CACNA1C: variants seen among roughly 807,000 people sequenced by gnomAD.
The protein encoded by CACNA1C is voltage-dependent L-type calcium channel subunit alpha-1C.
In CACNA1C, 30 loss-of-function variants were observed where a neutral mutation model predicts 229.0. The ratio of observed to expected loss-of-function variants is 0.13; its 90% confidence interval spans 0.10 to 0.18. CACNA1C has a LOEUF of 0.18. CACNA1C is among the 10% of genes least tolerant of loss of function. The probability of loss-of-function intolerance (pLI) is 1.00; values close to 1 mark genes in which losing one functional copy is unlikely to be tolerated. For missense variants in CACNA1C, 1,658 were observed against 2,845.0 expected (o/e 0.58, Z 9.49); for synonymous variants, 1,114 against 1,132.5 (o/e 0.98, Z 0.33).
chr12:2,547,763 A>C (rs1331205331), intron 9 of CACNA1C, among the ~76,000 whole-genome samples: 1 of 152,334 alleles, frequency 6.6e-6, no homozygotes, highest in Admixed American at 6.5e-5. Flanking sequence ...AAACAGGCAG[A>C]GCTATTCCTC....
chr12:2,057,553 C>T (rs550548139), intron 1 of CACNA1C, among the ~76,000 whole-genome samples: 1 of 152,256 alleles, frequency 6.6e-6, no homozygotes, highest in East Asian at 1.9e-4. Flanking sequence ...AGTGTGTCTC[C>T]GTGCCGCCGC....
At chr12:2,681,815 G>T (rs371905295) in intron 42 of CACNA1C, 3 of 653,246 alleles carry the variant, frequency 4.6e-6, no homozygotes, top group African/African-American at 1.8e-5. Context: ...TGCCCTCAGG[G>T]GTCTGAGGAT....
intron 3 of CACNA1C, among the ~76,000 whole-genome samples, chr12:2,372,868 G>A (rs2097909287): frequency 6.6e-6 from 1 of 152,248 alleles, no homozygotes; most frequent in East Asian, 1.9e-4. Context: ...CCCTGGGCAG[G>A]CCTAAGAGGC....
chr12:2,652,319 T>TCA (rs1345046346), intron 32 of CACNA1C, among the ~76,000 whole-genome samples: 1 of 152,184 alleles, frequency 6.6e-6, no homozygotes, highest in African/African-American at 2.4e-5. Context: ...GGCCATGTGA[T>TCA]CAGTTCCTCC....
rs114580809 is a variant in CACNA1C, at chr12:2,605,897, G to A, written c.3156+111G>A. Reference sequence around the variant, plus strand: ...GAGACAGTGTCCTGAGCCAGACTTGGCTTGGATATAACCTCCACCTGCAGC... The same window carrying A: ...GAGACAGTGTCCTGAGCCAGACTTGACTTGGATATAACCTCCACCTGCAGC... On this transcript the variant is annotated intron_variant, in intron 24 of 46. Transcript: ENST00000399655. This position sits in a 1 kb window ranked among gnomAD's most constrained non-coding sequence, Gnocchi z 6.2. 2.5e-3 allele frequency: 1,941 copies of A among 777,954 alleles called. 36 individuals are homozygous for A. The African/African-American group carries it at 0.029, about 12-fold the overall frequency. The allele number at this position is 777,954 out of a possible 1,614,324, so 48.2% of individuals were successfully genotyped here.
At chr12:1,986,919 GC>G (rs1468892527) in intron 1 of CACNA1C, among the ~76,000 whole-genome samples, 2 of 152,150 alleles carry the variant, frequency 1.3e-5, no homozygotes, top group Non-Finnish European at 2.9e-5. Context: ...TTTGGATGAT[GC>G]CAGAAGTTCA....
chr12:2,366,238 G>A (rs1025883547), intron 3 of CACNA1C, among the ~76,000 whole-genome samples: 1 of 152,192 alleles, frequency 6.6e-6, no homozygotes. Context: ...GAACTTCACT[G>A]AACAGGTGTG....
Position 2,649,214 on chromosome 12 carries a change from GT to G in CACNA1C, c.3945+709del, listed in dbSNP as rs1262647037. Among the ~76,000 whole-genome samples, 1 of 152,226 alleles carries G rather than the reference GT, an allele frequency of 6.6e-6. No individual in the cohort carries two copies. Among genetic ancestry groups the G allele is most frequent in the Non-Finnish European group, 1.5e-5 (1 of 68,044 alleles). On this transcript the variant is annotated intron_variant, in intron 31 of 46. Coordinates refer to ENST00000399655, the MANE Select transcript of CACNA1C (RefSeq NM_000719.7). The surrounding 1 kb of genome is among the most constrained non-coding windows in gnomAD (Gnocchi z 4.4). ...TTGTAGGAGTCTCTGATTCGCGTTG[GT>G]TGAAGTGATAAAAGAGACGCCATTC...
At chr12:2,584,704 G>GT in intron 16 of CACNA1C, 87 bp downstream of exon 16, 2 of 896,476 alleles carry the variant, frequency 2.2e-6, no homozygotes, top group African/African-American at 1.7e-5. Flanking sequence ...AGGCTTGACT[G>GT]CTAGCCTCTG....
At chr12:2,631,025 G>A (rs1413439451) in intron 29 of CACNA1C, among the ~76,000 whole-genome samples, 1 of 152,220 alleles carries the variant, frequency 6.6e-6, no homozygotes, top group Non-Finnish European at 1.5e-5. Flanking sequence ...GCACAGCCAG[G>A]CGGTTAACAG....
In CACNA1C at chr12:2,053,230, C is replaced by T. The variant is rs1328325947; in HGVS notation, c.-333C>T. ...CCCCCGCCCCTCCTCTCCGCCTCTT[C>T]TCGCCCTGCCTCTCCCGATTTATTT... is the stretch of plus-strand genomic sequence containing the variant. On this transcript the variant is annotated 5_prime_UTR_variant, in exon 1 of 47. Transcript: ENST00000399655. The surrounding 1 kb of genome is among the most constrained non-coding windows in gnomAD (Gnocchi z 5.8). 9 of 1,026,956 alleles carry T rather than the reference C, an allele frequency of 8.8e-6. No homozygotes were observed. In the African/African-American group the frequency reaches 1.5e-4, roughly 17 times the overall value. 63.6% of individuals were successfully genotyped at this position (1,026,956 alleles called of 1,614,324 possible). A position where few individuals can be genotyped will look rare whatever the true frequency, so the allele number is the denominator to read the frequency against.
intron 5 of CACNA1C, among the ~76,000 whole-genome samples, chr12:2,473,539 T>C (rs115366629): frequency 0.017 from 2,546 of 152,322 alleles, 70 homozygotes; most frequent in African/African-American, 0.057. Context: ...ACAGTAGTAA[T>C]TGGAAGAAGG....
At chr12:2,482,795 C>G (rs1023537700) in intron 5 of CACNA1C, among the ~76,000 whole-genome samples, 2 of 152,160 alleles carry the variant, frequency 1.3e-5, no homozygotes, top group East Asian at 3.9e-4. Context: ...CTAAGTCTTT[C>G]CCGGACACTT....
intron 3 of CACNA1C, among the ~76,000 whole-genome samples, chr12:2,400,054 G>A (rs772354742): frequency 3.3e-5 from 5 of 152,164 alleles, no homozygotes; most frequent in Non-Finnish European, 5.9e-5. Context: ...AAGCAAGGGG[G>A]GTGTATTCCT....
chr12:2,105,851 G>A (rs55881237), intron 1 of CACNA1C, among the ~76,000 whole-genome samples: 7 of 20,838 alleles, frequency 3.4e-4, no homozygotes, highest in African/African-American at 4.6e-4. Flanking sequence ...CCCACCCTGG[G>A]GAGGGTTTCC....
intron 2 of CACNA1C, among the ~76,000 whole-genome samples, chr12:2,116,684 A>G (rs1273843768): frequency 6.6e-6 from 1 of 152,082 alleles, no homozygotes; most frequent in African/African-American, 2.4e-5. Flanking sequence ...AAGGACCTTT[A>G]AGTGCTGAAG....
At chr12:2,684,707 C>T (rs1303092085) in intron 43 of CACNA1C, among the ~76,000 whole-genome samples, 1 of 152,132 alleles carries the variant, frequency 6.6e-6, no homozygotes, top group African/African-American at 2.4e-5. Context: ...TGGTACCACG[C>T]ACAAGGTGAA....
intron 3 of CACNA1C, among the ~76,000 whole-genome samples, chr12:2,261,328 CAG>C (rs770367547): frequency 6.6e-6 from 1 of 151,818 alleles, no homozygotes. Context: ...AACAAAAAAA[CAG>C]AAGAGTGACA....
At chr12:2,583,277 G>C (rs1349773286) in intron 15 of CACNA1C, among the ~76,000 whole-genome samples, 3 of 152,258 alleles carry the variant, frequency 2.0e-5, no homozygotes, top group Non-Finnish European at 4.4e-5. Context: ...GGCTGCCCTG[G>C]GGCCGCGGCG....
Sources: allele counts gnomAD v4.1 joint callset (sites outside exome capture counted in the v4.1 genomes callset), GRCh38; gene constraint gnomAD v4.1.1; non-coding constraint Gnocchi (gnomAD v3.1); transcripts MANE v1.5; gene names NCBI Gene and HGNC (gene_info 2026-07-23, HGNC 2026-07-21).